Variants in TGFA observed in about 807,000 individuals in gnomAD.
TGFA encodes the protein protransforming growth factor alpha.
TGFA carries 12 observed loss-of-function variants against 21.7 expected under a neutral mutation model. That is an observed-to-expected ratio of 0.55 (90% confidence interval 0.35 to 0.90). TGFA has a LOEUF of 0.90. Ranked by LOEUF, TGFA falls within the 40% of genes least tolerant of loss-of-function variation. TGFA has a pLI of 0.01. For missense variants in TGFA, 178 were observed against 210.8 expected, an observed-to-expected ratio of 0.84 and a Z score of 0.96; for synonymous variants, 79 against 88.1, an observed-to-expected ratio of 0.90 and a Z score of 0.58.
At chr2:70,491,857 C>T (rs1671448342) in intron 2 of TGFA, among the ~76,000 whole-genome samples, 1 of 152,248 alleles carries the variant, frequency 6.6e-6, no homozygotes, top group Non-Finnish European at 1.5e-5. Flanking sequence ...CAGCACTCCA[C>T]ACATCATAGA....
At position 70,447,328 on chromosome 2, in the gene TGFA, C is replaced by T. The variant is rs1553488866; in HGVS notation, c.*3531G>A. The T allele has an allele frequency of 6.6e-6, 1 of 152,610 alleles. No individual in the cohort carries two copies. Among genetic ancestry groups the T allele is most frequent in the African/African-American group, 2.4e-5 (1 of 41,448 alleles). 9.5% of individuals were successfully genotyped at this position (152,610 alleles called of 1,614,324 possible). ...TTCCTTCATCCTTCCAAATAAGGTA[C>T]AGTACAACTCAATAACAATGCACAT... On this transcript the variant is annotated 3_prime_UTR_variant, in exon 6 of 6. Coordinates refer to ENST00000295400, the MANE Select transcript of TGFA (RefSeq NM_003236.4).
chr2:70,540,954 C>G (rs1673116241), intron 1 of TGFA, among the ~76,000 whole-genome samples: 1 of 152,120 alleles, frequency 6.6e-6, no homozygotes, highest in Non-Finnish European at 1.5e-5. Flanking sequence ...TACCATTTTG[C>G]CAACAGAATT....
chr2:70,518,546 G>A, intron 1 of TGFA, among the ~76,000 whole-genome samples: 1 of 152,302 alleles, frequency 6.6e-6, no homozygotes, highest in South Asian at 2.1e-4. Context: ...CAAAACCTAT[G>A]TGCTGATGTG....
At chr2:70,483,136 G>A (rs1286763245) in intron 2 of TGFA, among the ~76,000 whole-genome samples, 3 of 152,158 alleles carry the variant, frequency 2.0e-5, no homozygotes, top group African/African-American at 4.8e-5. Flanking sequence ...TGAACTCAAC[G>A]TGTATCCTCT....
intron 2 of TGFA, among the ~76,000 whole-genome samples, chr2:70,497,578 T>C (rs1297846442): frequency 1.3e-5 from 2 of 152,180 alleles, no homozygotes; most frequent in Admixed American, 6.5e-5. Context: ...ATCTTCTCCT[T>C]TGGGCACATT....
At chr2:70,463,636 C>G (rs1006709501) in intron 3 of TGFA, among the ~76,000 whole-genome samples, 1 of 152,104 alleles carries the variant, frequency 6.6e-6, no homozygotes, top group South Asian at 2.1e-4. Context: ...AAGACCTGCC[C>G]TTTTTCTCCA....
intron 1 of TGFA, among the ~76,000 whole-genome samples, chr2:70,517,921 A>G (rs1240804196): frequency 2.0e-5 from 3 of 152,244 alleles, no homozygotes; most frequent in African/African-American, 7.2e-5. Context: ...AGGTATGAGC[A>G]CCCAGGCTCA....
chr2:70,507,424 T>C (rs1260638967), intron 2 of TGFA, among the ~76,000 whole-genome samples: 3 of 152,266 alleles, frequency 2.0e-5, no homozygotes, highest in African/African-American at 4.8e-5. Flanking sequence ...CAATTTTATA[T>C]ACTACTTTTT....
chr2:70,552,815 A>G (rs555004607), intron 1 of TGFA, among the ~76,000 whole-genome samples: 1 of 152,284 alleles, frequency 6.6e-6, no homozygotes, highest in East Asian at 1.9e-4. Flanking sequence ...CGAACAATTC[A>G]CTTCACGGAA....
chr2:70,474,214 G>A (rs1287184832), intron 2 of TGFA, among the ~76,000 whole-genome samples: 1 of 152,138 alleles, frequency 6.6e-6, no homozygotes, highest in Non-Finnish European at 1.5e-5. Context: ...AGCATTATTA[G>A]TCTCTATTTT....
intron 4 of TGFA, among the ~76,000 whole-genome samples, chr2:70,455,782 G>T (rs1479968717): frequency 6.6e-6 from 1 of 152,120 alleles, no homozygotes; most frequent in East Asian, 1.9e-4. Context: ...CACCTGAAAA[G>T]GTCTCTCCTG....
In TGFA at chr2:70,449,078, C is replaced by G. The variant is rs1669972849; in HGVS notation, c.*1781G>C. 1 of 152,190 alleles carries G rather than the reference C, an allele frequency of 6.6e-6. No homozygotes were observed. The highest frequency in any genetic ancestry group is 6.5e-5 in the Admixed American group (1 of 15,280). The allele number at this position is 152,190 out of a possible 1,614,324, so 9.4% of individuals were successfully genotyped here. A position where few individuals can be genotyped will look rare whatever the true frequency, so the allele number is the denominator to read the frequency against. On this transcript the variant is annotated 3_prime_UTR_variant, in exon 6 of 6. Coordinates refer to ENST00000295400, the MANE Select transcript of TGFA (RefSeq NM_003236.4). Reference sequence around the variant, plus strand: ...ATTTAAAAACCTGGAGCTGTGTCAACTACGTTGCTAGGGGGTCAGCTCTGA... The same window carrying G: ...ATTTAAAAACCTGGAGCTGTGTCAAGTACGTTGCTAGGGGGTCAGCTCTGA...
At chr2:70,525,440 G>T (rs1672604584) in intron 1 of TGFA, among the ~76,000 whole-genome samples, 1 of 151,626 alleles carries the variant, frequency 6.6e-6, no homozygotes, top group Non-Finnish European at 1.5e-5. Flanking sequence ...AGTTGATAAG[G>T]GTGGCTGATT....
At chr2:70,475,306 A>G (rs1238921791) in intron 2 of TGFA, among the ~76,000 whole-genome samples, 1 of 152,200 alleles carries the variant, frequency 6.6e-6, no homozygotes, top group Non-Finnish European at 1.5e-5. Context: ...CCAGCATTTT[A>G]TAGAGCGAAT....
At chr2:70,490,656 A>G (rs1195713726) in intron 2 of TGFA, among the ~76,000 whole-genome samples, 5 of 152,226 alleles carry the variant, frequency 3.3e-5, no homozygotes, top group African/African-American at 1.2e-4. Flanking sequence ...TTTCAGCATC[A>G]TGTTGAGTAA....
intron 1 of TGFA, among the ~76,000 whole-genome samples, chr2:70,551,791 T>G (rs922519664): frequency 2.0e-5 from 3 of 152,166 alleles, no homozygotes; most frequent in Admixed American, 2.0e-4. Flanking sequence ...CTTTTAAAGT[T>G]TATACATCAT....
intron 2 of TGFA, among the ~76,000 whole-genome samples, chr2:70,476,629 G>A (rs577604753): frequency 2.6e-5 from 4 of 152,280 alleles, no homozygotes; most frequent in African/African-American, 7.2e-5. Flanking sequence ...ACATATAAGC[G>A]CTATTGGGAT....
chr2:70,540,072 C>T (rs1673092980), intron 1 of TGFA, among the ~76,000 whole-genome samples: 1 of 152,166 alleles, frequency 6.6e-6, no homozygotes, highest in Non-Finnish European at 1.5e-5. Flanking sequence ...GTTCACCATG[C>T]CTTTCAGTAC....
intron 1 of TGFA, among the ~76,000 whole-genome samples, chr2:70,551,295 T>C (rs529982364): frequency 6.6e-6 from 1 of 152,194 alleles, no homozygotes; most frequent in Non-Finnish European, 1.5e-5. Flanking sequence ...TGCCTGCCAG[T>C]GATGGAAACC....
Sources: allele counts gnomAD v4.1 joint callset (sites outside exome capture counted in the v4.1 genomes callset), GRCh38; gene constraint gnomAD v4.1.1; transcripts MANE v1.5; gene names NCBI Gene and HGNC (gene_info 2026-07-23, HGNC 2026-07-21).